The following FYB1 variants were observed in gnomAD, a reference collection of about 807,000 sequenced individuals.
FYB1 encodes FYN-binding protein 1.
Under a neutral mutation model 94.1 loss-of-function variants are expected in FYB1, and 41 were observed. That is an observed-to-expected ratio of 0.44 (90% confidence interval 0.34 to 0.57). FYB1 has a LOEUF of 0.57. Ranked by LOEUF, FYB1 falls within the 20% of genes least tolerant of loss-of-function variation. The pLI, the probability that FYB1 is intolerant of heterozygous loss-of-function variation, is 0.02. For missense variants in FYB1, 1,050 were observed against 976.8 expected (o/e 1.07, Z -1.00); for synonymous variants, 367 against 353.2 (o/e 1.04, Z -0.44).
chr5:39,263,643 A>G (rs925325394), intron 1 of FYB1, among the ~76,000 whole-genome samples: 1 of 152,190 alleles, frequency 6.6e-6, no homozygotes, highest in Non-Finnish European at 1.5e-5. Flanking sequence ...TCCCTGGGAC[A>G]CCAGTTCTCA....
intron 2 of FYB1, among the ~76,000 whole-genome samples, chr5:39,198,390 G>A (rs759855755): frequency 6.6e-6 from 1 of 152,062 alleles, no homozygotes; most frequent in Non-Finnish European, 1.5e-5. Flanking sequence ...TTTAAAATGG[G>A]TTCATTAAAC....
intron 2 of FYB1, among the ~76,000 whole-genome samples, chr5:39,167,917 G>T (rs770066993): frequency 1.4e-4 from 21 of 151,290 alleles, no homozygotes; most frequent in Non-Finnish European, 2.7e-4. Flanking sequence ...AGCTTACTCT[G>T]TAAAAAGGCA....
At chr5:39,127,831 C>T in intron 10 of FYB1, 24 bp from the exon 11 acceptor site, 2 of 1,579,974 alleles carry the variant, frequency 1.3e-6, no homozygotes, top group Non-Finnish European at 1.7e-6. Context: ...GGAGGAAAAT[C>T]TTCTGTTAAT....
chr5:39,149,626 T>C (rs542414368), intron 3 of FYB1, among the ~76,000 whole-genome samples: 1 of 152,252 alleles, frequency 6.6e-6, no homozygotes. Flanking sequence ...CATACTCTTT[T>C]AAAGCCATTT....
intron 8 of FYB1, 149 bp downstream of exon 8, chr5:39,134,706 C>A: frequency 1.3e-6 from 1 of 746,556 alleles, no homozygotes; most frequent in Non-Finnish European, 2.2e-6. Flanking sequence ...GAAGACGGAA[C>A]TATACCTGCC....
intron 1 of FYB1, among the ~76,000 whole-genome samples, chr5:39,251,739 C>T (rs1751716810): frequency 6.6e-6 from 1 of 151,694 alleles, no homozygotes; most frequent in South Asian, 2.1e-4. Context: ...TGGATAAGGA[C>T]ATCAGTAAAT....
At chr5:39,141,164 A>T in intron 3 of FYB1, 23 bp from the exon 4 acceptor site, 1 of 1,536,686 alleles carries the variant, frequency 6.5e-7, no homozygotes, top group Non-Finnish European at 8.9e-7. Context: ...AAGAAGAAAC[A>T]GTGAACATGG....
At chr5:39,157,470 T>A (rs895630255) in intron 2 of FYB1, among the ~76,000 whole-genome samples, 5 of 152,120 alleles carry the variant, frequency 3.3e-5, no homozygotes, top group African/African-American at 9.7e-5. Context: ...AGCAGGGATG[T>A]AAACATTCAA....
intron 12 of FYB1, among the ~76,000 whole-genome samples, chr5:39,125,068 T>C (rs1010573429): frequency 6.6e-6 from 1 of 151,878 alleles, no homozygotes; most frequent in Non-Finnish European, 1.5e-5. Context: ...TTGGATAGTA[T>C]GTAATTGAAG....
rs778717980 is a variant in FYB1, at chr5:39,202,791, A to C, written c.170T>G (p.Phe57Cys). Residue 57 changes from phenylalanine (F) to cysteine (C), a missense_variant, in exon 2 of 19, where the codon TTT becomes TGT. Coordinates refer to ENST00000512982, the MANE Select transcript of FYB1 (RefSeq NM_001465.6). The part of the protein sequence containing the change: ...PPAGPSNVPK[F>C]GSPKPPVAVK... ...TGCCACAGGTGGCTTTGGGGACCCA[A>C]ACTTAGGTACATTGCTGGGTCCTGC... 1 of 1,613,940 alleles carries C rather than the reference A, an allele frequency of 6.2e-7. No individual in the cohort carries two copies. Among genetic ancestry groups the C allele is most frequent in the Non-Finnish European group, 8.5e-7 (1 of 1,179,888 alleles).
chr5:39,178,311 T>A (rs73749445), intron 2 of FYB1, among the ~76,000 whole-genome samples: 1 of 152,340 alleles, frequency 6.6e-6, no homozygotes, highest in African/African-American at 2.4e-5. Flanking sequence ...TGTGTGAACA[T>A]CCTGCAGAAG....
intron 1 of FYB1, chr5:39,211,041 T>C (rs1302425262): frequency 6.6e-6 from 1 of 152,206 alleles, no homozygotes. Flanking sequence ...CAATTTTTTA[T>C]AGCAAATTTA....
intron 2 of FYB1, among the ~76,000 whole-genome samples, chr5:39,178,312 C>T (rs1056056422): frequency 6.6e-6 from 1 of 152,158 alleles, no homozygotes; most frequent in Non-Finnish European, 1.5e-5. Flanking sequence ...GTGTGAACAT[C>T]CTGCAGAAGG....
rs543035968 is a variant in FYB1 at position 39,240,612 on chromosome 5, G to A, written c.-28+33791C>T. The stretch of plus-strand genomic sequence containing the variant: ...GCATCAGAGAAATGAAATCAAGACC[G>A]CAATGAGATACCATCTCACACCAGT... On this transcript the variant is annotated intron_variant, in intron 1 of 1. Transcript: ENST00000510188. Among the ~76,000 whole-genome samples the A allele has an allele frequency of 7.9e-5, 12 of 152,126 alleles. No homozygotes were observed. In the East Asian group the frequency reaches 1.5e-3, roughly 20 times the overall value.
chr5:39,235,962 C>T (rs546975352), intron 1 of FYB1, among the ~76,000 whole-genome samples: 2 of 152,112 alleles, frequency 1.3e-5, no homozygotes, highest in African/African-American at 4.8e-5. Context: ...AATTGAGGAA[C>T]TAAAACATTA....
intron 2 of FYB1, among the ~76,000 whole-genome samples, chr5:39,190,261 G>A (rs964343657): frequency 6.6e-6 from 1 of 152,080 alleles, no homozygotes; most frequent in African/African-American, 2.4e-5. Context: ...GATGGTTGAA[G>A]GAATAAAAAA....
chr5:39,221,539 A>G (rs1398854970), upstream of FYB1, among the ~76,000 whole-genome samples: 4 of 152,228 alleles, frequency 2.6e-5, no homozygotes, highest in African/African-American at 9.6e-5. Context: ...ATCTGGAAAT[A>G]CCCAGGAATA....
intron 1 of FYB1, among the ~76,000 whole-genome samples, chr5:39,255,369 C>T (rs1171051374): frequency 1.3e-5 from 2 of 151,366 alleles, no homozygotes; most frequent in African/African-American, 4.9e-5. Flanking sequence ...CACCTACATT[C>T]TCTAATGGTT....
intron 11 of FYB1, 97 bp from the exon 12 acceptor site, chr5:39,126,232 G>C: frequency 7.8e-7 from 1 of 1,278,682 alleles, no homozygotes; most frequent in Non-Finnish European, 1.1e-6. Context: ...TAATCATTAC[G>C]GCCACATTAA....
Sources: gnomAD v4.1 joint callset for allele counts (sites outside exome capture counted in the v4.1 genomes callset) on GRCh38, gnomAD v4.1.1 for gene constraint, MANE v1.5 for transcripts, NCBI Gene and HGNC (gene_info 2026-07-23, HGNC 2026-07-21) for gene names.